CABIN1: variants seen among roughly 807,000 people sequenced by gnomAD.
The protein encoded by CABIN1 is calcineurin-binding protein cabin-1.
Under a neutral mutation model 227.7 loss-of-function variants are expected in CABIN1, and 133 were observed. That is an observed-to-expected ratio of 0.58 (90% CI 0.51 to 0.67). The LOEUF is 0.67. Ranked by LOEUF, CABIN1 falls within the 30% of genes least tolerant of loss-of-function variation. The probability of loss-of-function intolerance (pLI) is 0.00; values close to 1 mark genes in which losing one functional copy is unlikely to be tolerated. For synonymous variants in CABIN1, 1,086 were observed against 1,155.1 expected, an observed-to-expected ratio of 0.94 and a Z score of 1.21; for missense variants, 2,408 against 2,852.5, an observed-to-expected ratio of 0.84 and a Z score of 3.55.
In CABIN1 at chr22:24,091,714, G is replaced by C. The variant is rs1234444437; in HGVS notation, c.3657G>C (p.Gln1219His). 1 of 1,614,132 alleles carries C rather than the reference G, an allele frequency of 6.2e-7. No homozygotes were observed. The highest frequency in any genetic ancestry group is 1.1e-5 in the South Asian group (1 of 91,078). Reference protein sequence around the residue: ...HYMLGKVAEKQQQPPTVYLLH... With the variant: ...HYMLGKVAEKHQQPPTVYLLH... The stretch of plus-strand genomic sequence containing the variant: ...TGCTGGGCAAGGTGGCTGAGAAGCA[G>C]CAGCAGCCACCCACCGTTTACTTGC... Residue 1219 changes from glutamine (Q) to histidine (H), a missense_variant, in exon 24 of 37, where the codon CAG becomes CAC. Coordinates refer to ENST00000263119, the MANE Select transcript of CABIN1 (RefSeq NM_012295.4).
intron 26 of CABIN1, among the ~76,000 whole-genome samples, chr22:24,112,364 A>G (rs1041802233): frequency 6.6e-6 from 1 of 152,188 alleles, no homozygotes; most frequent in Admixed American, 6.5e-5. Context: ...CAGTGGTGCA[A>G]TCATAGCTCA....
At chr22:24,084,400 A>G (rs2041010598) in intron 20 of CABIN1, among the ~76,000 whole-genome samples, 179 bp from the exon 21 acceptor site, 2 of 151,684 alleles carry the variant, frequency 1.3e-5, no homozygotes, top group African/African-American at 4.9e-5. Flanking sequence ...CACCGTGCCC[A>G]GCTAATTTTT....
intron 3 of CABIN1, among the ~76,000 whole-genome samples, chr22:24,037,120 C>T (rs995525826): frequency 6.6e-6 from 1 of 151,872 alleles, no homozygotes; most frequent in African/African-American, 2.4e-5. Flanking sequence ...ATTAGCTGGG[C>T]GTGGTGGTGC....
At chr22:24,099,993 G>A (rs1778755650) in intron 26 of CABIN1, among the ~76,000 whole-genome samples, 1 of 152,248 alleles carries the variant, frequency 6.6e-6, no homozygotes, top group Admixed American at 6.5e-5. Flanking sequence ...TGAAGCTGTT[G>A]GTGAGCCACT....
intron 25 of CABIN1, 57 bp from the exon 26 acceptor site, chr22:24,097,957 T>C: frequency 2.5e-6 from 4 of 1,606,672 alleles, no homozygotes; most frequent in Admixed American, 1.7e-5. Context: ...CCAGTACACA[T>C]CTGTTTCAAT....
chr22:24,156,529 C>G (rs1269648505), intron 29 of CABIN1: 1 of 155,438 alleles, frequency 6.4e-6, no homozygotes, highest in Admixed American at 6.5e-5. Flanking sequence ...AGCAACTTTG[C>G]GGCGGAAGGC....
intron 29 of CABIN1, among the ~76,000 whole-genome samples, chr22:24,142,919 G>A (rs561705385): frequency 6.6e-6 from 1 of 152,144 alleles, no homozygotes; most frequent in East Asian, 1.9e-4. Context: ...CCCCTCTCAG[G>A]ACCAGTTGTG....
At chr22:24,072,767 T>A (rs1350538353) in intron 18 of CABIN1, among the ~76,000 whole-genome samples, 2 of 151,696 alleles carry the variant, frequency 1.3e-5, no homozygotes, top group Non-Finnish European at 2.9e-5. Context: ...ATGGAGGGAG[T>A]GACAAGAGGT....
intron 22 of CABIN1, among the ~76,000 whole-genome samples, chr22:24,085,484 C>A (rs942564096): frequency 1.3e-5 from 2 of 152,152 alleles, no homozygotes; most frequent in Non-Finnish European, 1.5e-5. Flanking sequence ...TTTGTGCTGC[C>A]CCCTTTCACA....
chr22:24,091,683 A>T lies in CABIN1; in HGVS notation c.3626A>T (p.His1209Leu). The change falls in exon 24 of 37, where the codon CAC becomes CTC. Residue 1209 changes from histidine (H) to leucine (L), a missense_variant. Transcript: ENST00000263119. ...GDGDEEEWLIHYMLGKVAEKQ... is the reference protein window; with the variant it reads ...GDGDEEEWLILYMLGKVAEKQ... ...GGTGACGAGGAGGAGTGGCTCATCC[A>T]CTACATGCTGGGCAAGGTGGCTGAG... The T allele has an allele frequency of 6.2e-7, 1 of 1,614,150 alleles. No homozygotes were observed. Among genetic ancestry groups the T allele is most frequent in the Non-Finnish European group, 8.5e-7 (1 of 1,180,026 alleles).
intron 29 of CABIN1, among the ~76,000 whole-genome samples, chr22:24,144,614 C>T (rs537796758): frequency 1.3e-5 from 2 of 152,326 alleles, no homozygotes; most frequent in Admixed American, 1.3e-4. Flanking sequence ...CTGCACTGGC[C>T]CCAATTTGTA....
At chr22:24,175,875 G>A in intron 34 of CABIN1, 1 of 616,190 alleles carries the variant, frequency 1.6e-6, no homozygotes, top group Non-Finnish European at 2.9e-6. Context: ...AGCCCTCTCG[G>A]GAGGCGGAGG....
chr22:24,022,358 T>A (rs886726210), intron 1 of CABIN1, among the ~76,000 whole-genome samples: 5 of 152,220 alleles, frequency 3.3e-5, no homozygotes, highest in African/African-American at 7.2e-5. Flanking sequence ...AATAGAAATA[T>A]AATAGTGTAC....
At chr22:24,148,189 G>A (rs1024191432) in intron 29 of CABIN1, among the ~76,000 whole-genome samples, 1 of 152,120 alleles carries the variant, frequency 6.6e-6, no homozygotes, top group Non-Finnish European at 1.5e-5. Flanking sequence ...GGTATTGCCC[G>A]TGGAAGTCCA....
chr22:24,079,839 G>T (rs185706488), intron 19 of CABIN1, among the ~76,000 whole-genome samples: 1 of 151,852 alleles, frequency 6.6e-6, no homozygotes, highest in Non-Finnish European at 1.5e-5. Context: ...CCAGTTTTAC[G>T]TGCACATATT....
intron 5 of CABIN1, 146 bp from the exon 6 acceptor site, chr22:24,042,758 T>C: frequency 1.4e-6 from 1 of 721,680 alleles, no homozygotes; most frequent in Non-Finnish European, 2.4e-6. Flanking sequence ...GAAGTTCAAG[T>C]GGCTGTGCCA....
intron 1 of CABIN1, among the ~76,000 whole-genome samples, chr22:24,024,877 C>T (rs547189895): frequency 4.6e-5 from 7 of 152,184 alleles, no homozygotes; most frequent in African/African-American, 1.7e-4. Context: ...TAGTGATAAT[C>T]TCATCTTGTT....
chr22:24,054,952 A>C lies in CABIN1; in HGVS notation c.886A>C (p.Lys296Gln), dbSNP rs759898543. 3.7e-6 allele frequency: 6 copies of C among 1,614,200 alleles called. No homozygotes were observed. In the Admixed American group the frequency reaches 1.0e-4, roughly 27 times the overall value. The change falls in exon 9 of 37, where the codon AAA becomes CAA. Residue 296 changes from lysine (K) to glutamine (Q), a missense_variant. This residue lies in a region of CABIN1 where 1,045 missense variants were observed against 1,168.4 expected (regional missense o/e 0.89). Coordinates refer to ENST00000263119, the MANE Select transcript of CABIN1 (RefSeq NM_012295.4). ...TGAGCCCCCACGTCCCAGCCTTGGC[A>C]AAAGGATTGATTTGTCGGACTACCA... ...TCEPPRPSLG[K>Q]RIDLSDYQDP...
intron 6 of CABIN1, among the ~76,000 whole-genome samples, chr22:24,047,724 G>A (rs904490424): frequency 6.6e-6 from 1 of 152,230 alleles, no homozygotes; most frequent in African/African-American, 2.4e-5. Context: ...AGGCTTCCAT[G>A]CGCAGATTTC....
Sources: allele counts gnomAD v4.1 joint callset (sites outside exome capture counted in the v4.1 genomes callset), GRCh38; gene constraint gnomAD v4.1.1; regional missense constraint gnomAD v4.1.1; transcripts MANE v1.5; gene names NCBI Gene and HGNC (gene_info 2026-07-23, HGNC 2026-07-21).